The following FNBP1 variants were observed in gnomAD, a reference collection of about 807,000 sequenced individuals.
FNBP1 encodes formin binding protein 1.
FNBP1 carries 26 observed loss-of-function variants against 90.6 expected under a neutral mutation model. The observed-to-expected ratio is 0.29, with a 90% confidence interval of 0.21 to 0.40. The LOEUF (loss-of-function observed/expected upper bound fraction) is 0.40, where lower values mean the gene tolerates loss of function less well. Ranked by LOEUF, FNBP1 falls within the 10% of genes least tolerant of loss-of-function variation. The pLI is 1.00. For synonymous variants in FNBP1, 260 were observed against 265.2 expected, an observed-to-expected ratio of 0.98 and a Z score of 0.19; for missense variants, 635 against 768.0, an observed-to-expected ratio of 0.83 and a Z score of 2.05.
intron 6 of FNBP1, among the ~76,000 whole-genome samples, chr9:129,933,841 T>C (rs911316915): frequency 1.2e-4 from 18 of 152,158 alleles, no homozygotes; most frequent in African/African-American, 4.3e-4. Context: ...GACAGGACTG[T>C]CTTTTTCTCA....
At chr9:129,948,723 A>G (rs1487104983) in intron 6 of FNBP1, among the ~76,000 whole-genome samples, 1 of 151,882 alleles carries the variant, frequency 6.6e-6, no homozygotes, top group Non-Finnish European at 1.5e-5. Context: ...TTGTATTTTT[A>G]GTAGAGACAG....
chr9:129,923,255 A>C (rs1053813926), intron 10 of FNBP1, among the ~76,000 whole-genome samples: 2 of 151,780 alleles, frequency 1.3e-5, no homozygotes, highest in African/African-American at 4.8e-5. Flanking sequence ...AAAGAGGAAG[A>C]GGGGTAAAGT....
At chr9:130,025,433 T>C (rs1187348768) in intron 1 of FNBP1, among the ~76,000 whole-genome samples, 2 of 152,220 alleles carry the variant, frequency 1.3e-5, no homozygotes, top group Non-Finnish European at 2.9e-5. Flanking sequence ...GGCATTGCCA[T>C]GTTATCTGCT....
intron 1 of FNBP1, among the ~76,000 whole-genome samples, chr9:130,009,522 G>A (rs557030668): frequency 1.1e-4 from 16 of 152,152 alleles, no homozygotes; most frequent in African/African-American, 3.9e-4. Context: ...AAAAAAAATG[G>A]CTGGGCACAA....
chr9:129,998,497 C>T (rs563476867), intron 1 of FNBP1, among the ~76,000 whole-genome samples: 12 of 151,198 alleles, frequency 7.9e-5, no homozygotes, highest in East Asian at 7.8e-4. Context: ...CTGGTCAAAA[C>T]GAGCAAAACT....
rs369005228 is a variant in FNBP1 at position 129,909,835 on chromosome 9, T to A, written c.1186-836A>T. Among the ~76,000 whole-genome samples the A allele has an allele frequency of 8.5e-5, 13 of 152,302 alleles. 2 individuals carry two copies. Among genetic ancestry groups the A allele is most frequent in the African/African-American group, 3.1e-4 (13 of 41,580 alleles). On this transcript the variant is annotated intron_variant, in intron 11 of 16. Coordinates refer to ENST00000446176, the MANE Select transcript of FNBP1 (RefSeq NM_015033.3). ...CTTGACTTCAGGTGATCTGCTCACC[T>A]TGGCCTCCCAAAGTGCTGGGATTAC...
chr9:130,017,190 G>C (rs148026172), intron 1 of FNBP1, among the ~76,000 whole-genome samples: 1 of 152,094 alleles, frequency 6.6e-6, no homozygotes, highest in Non-Finnish European at 1.5e-5. Context: ...GAGATCAGCT[G>C]CAAAAAAAAG....
rs912987095 is a variant in FNBP1 at position 129,896,758 on chromosome 9, A to G, written c.1688-762T>C. Among the ~76,000 whole-genome samples, 14 of 152,160 alleles carry G rather than the reference A, an allele frequency of 9.2e-5. No homozygotes were observed. In the East Asian group the frequency reaches 2.5e-3, roughly 27 times the overall value. On this transcript the variant is annotated intron_variant, in intron 15 of 16. Transcript: ENST00000446176. ...GTGATTCTCCTGCCTCGGCCTCCCG[A>G]GTAGCTGAGATTACAGGCATGTGCC...
At chr9:129,971,084 G>C (rs6478932) in intron 4 of FNBP1, among the ~76,000 whole-genome samples, 133,346 of 151,504 alleles carry the variant, frequency 0.88, 58,794 homozygotes, top group Non-Finnish European at 0.9. Flanking sequence ...GTAGAGACAG[G>C]GTTTCACCAC....
At chr9:129,925,767 T>C (rs2041816868) in intron 8 of FNBP1, among the ~76,000 whole-genome samples, 1 of 150,298 alleles carries the variant, frequency 6.7e-6, no homozygotes, top group South Asian at 2.1e-4. Context: ...CTAATTTTTG[T>C]ATTTTTAGTA....
At chr9:130,048,340 A>AAAAAAAAAC in the FNBP1 span, among the ~76,000 whole-genome samples, 1 of 140,854 alleles carries the variant, frequency 7.1e-6, no homozygotes, top group South Asian at 2.3e-4. Flanking sequence ...AAAAAAAAAA[A>AAAAAAAAAC]AAGACAGGGA....
intron 8 of FNBP1, among the ~76,000 whole-genome samples, chr9:129,925,646 T>A (rs1171956614): frequency 8.0e-6 from 1 of 124,616 alleles, no homozygotes; most frequent in Non-Finnish European, 1.6e-5. Context: ...CAGGCTGGAG[T>A]GCAGTGGCGT....
intron 7 of FNBP1, 40 bp downstream of exon 7, chr9:129,929,527 A>G (rs202088807): frequency 1.2e-6 from 2 of 1,601,752 alleles, no homozygotes; most frequent in East Asian, 4.5e-5. Flanking sequence ...AAGGAAAGCA[A>G]AGCATAAAAC....
rs959357944 is a variant in FNBP1 at position 130,039,974 on chromosome 9, G to T, written c.24+2978C>A. ...ACCATAGCTCTTTCTCCATCTAGAA[G>T]AATAATTCTGCCAAGTTTGGCTTGA... On this transcript the variant is annotated intron_variant, in intron 1 of 16. Coordinates refer to ENST00000446176, the MANE Select transcript of FNBP1 (RefSeq NM_015033.3). Among the ~76,000 whole-genome samples the T allele has an allele frequency of 5.3e-5, 8 of 152,046 alleles. No individual in the cohort carries two copies. In the East Asian group the frequency reaches 1.5e-3, roughly 29 times the overall value.
At chr9:129,985,085 C>G (rs922661881) in intron 2 of FNBP1, among the ~76,000 whole-genome samples, 1 of 152,056 alleles carries the variant, frequency 6.6e-6, no homozygotes, top group East Asian at 1.9e-4. Flanking sequence ...AAGCCAGGCC[C>G]TTTCGCGACC....
At position 129,913,492 on chromosome 9, in the gene FNBP1, C is replaced by T. The variant is rs185514772; in HGVS notation, c.1185+2474G>A. 2.8e-4 allele frequency among the ~76,000 whole-genome samples: 43 copies of T among 151,640 alleles called. No individual in the cohort carries two copies. In the East Asian group the frequency reaches 2.9e-3, roughly 10 times the overall value. ...ATGTACTAATAAAATCAAACCTGGC[C>T]GGGCCTGGTGGCTCACGCATGTAAT... is the stretch of plus-strand genomic sequence containing the variant. On this transcript the variant is annotated intron_variant, in intron 11 of 16. Coordinates refer to ENST00000446176, the MANE Select transcript of FNBP1 (RefSeq NM_015033.3).
chr9:129,933,662 A>T (rs1048050701), intron 6 of FNBP1: 3 of 152,192 alleles, frequency 2.0e-5, no homozygotes, highest in Non-Finnish European at 4.4e-5. Context: ...CTTTTATGTT[A>T]AAGGAACACT....
intron 4 of FNBP1, among the ~76,000 whole-genome samples, chr9:129,960,535 C>CATCT (rs2047655908): frequency 6.6e-6 from 1 of 152,042 alleles, no homozygotes; most frequent in African/African-American, 2.4e-5. Context: ...CCCTCCTGGC[C>CATCT]ATCTGCAAAG....
intron 2 of FNBP1, among the ~76,000 whole-genome samples, chr9:129,983,843 C>A (rs189895028): frequency 6.6e-6 from 1 of 152,114 alleles, no homozygotes; most frequent in East Asian, 1.9e-4. Context: ...AAACCCACAA[C>A]AACAACAACA....
Sources: gnomAD v4.1 joint callset for allele counts (sites outside exome capture counted in the v4.1 genomes callset) on GRCh38, gnomAD v4.1.1 for gene constraint, MANE v1.5 for transcripts, NCBI Gene and HGNC (gene_info 2026-07-23, HGNC 2026-07-21) for gene names.